KPNA2: variants seen among roughly 807,000 people sequenced by gnomAD.
KPNA2 encodes the protein karyopherin subunit alpha 2.
In KPNA2, 20 loss-of-function variants were observed where a neutral mutation model predicts 53.7. The observed-to-expected ratio is 0.37, with a 90% CI of 0.26 to 0.54. The LOEUF is 0.54. KPNA2 is among the 20% of genes least tolerant of loss of function. KPNA2 has a pLI of 0.83. For synonymous variants in KPNA2, 238 were observed against 227.5 expected (o/e 1.05, Z -0.42); for missense variants, 515 against 640.3 (o/e 0.80, Z 2.11).
intron 7 of KPNA2, 44 bp downstream of exon 7, chr17:68,043,407 T>G: frequency 1.9e-6 from 3 of 1,590,698 alleles, no homozygotes; most frequent in Non-Finnish European, 2.6e-6. Flanking sequence ...ATAAGAAGCA[T>G]GATCAGGGCT....
Position 68,037,163 on chromosome 17 carries a change from G to A in KPNA2, c.31G>A (p.Ala11Thr). Residue 11 changes from alanine to threonine, a missense_variant, in exon 2 of 11, where the codon GCT (alanine) becomes ACT (threonine). Ala to Thr is a moderately conservative substitution (Grantham distance 58, BLOSUM62 0). Transcript: ENST00000330459. ...CACCAACGAGAATGCTAATACACCAGCTGCCCGTCTTCACAGATTCAAGAA... is the reference window on the plus strand; with the variant it reads ...CACCAACGAGAATGCTAATACACCAACTGCCCGTCTTCACAGATTCAAGAA... MSTNENANTP[A>T]ARLHRFKNKG... 2 of 1,613,518 alleles carry A rather than the reference G, an allele frequency of 1.2e-6. No homozygotes were observed. Among genetic ancestry groups the A allele is most frequent in the Non-Finnish European group, 1.7e-6 (2 of 1,179,792 alleles).
chr17:68,042,923 GA>G lies in KPNA2; in HGVS notation c.591del (p.Asp198ThrfsTer24). 6.2e-7 allele frequency: 1 copy of G among 1,612,298 alleles called. No individual in the cohort carries two copies. Among genetic ancestry groups the G allele is most frequent in the Non-Finnish European group, 8.5e-7 (1 of 1,179,428 alleles). The part of the protein sequence containing the change: ...GNIAGDGSVF[R>X]DLVIKYGAVD... ...TTTTCAGGTGATGGCTCAGTGTTCC[GA>G]GACTTGGTTATTAAGTACGGTGCAG... On this transcript the variant is annotated frameshift_variant, in exon 6 of 11. Coordinates refer to ENST00000330459, the MANE Select transcript of KPNA2 (RefSeq NM_002266.4). LOFTEE classifies it high-confidence loss of function.
At position 68,043,856 on chromosome 17, in the gene KPNA2, A is replaced by G. The variant is rs2071294799; in HGVS notation, c.949A>G (p.Ile317Val). 1.2e-6 allele frequency: 2 copies of G among 1,601,818 alleles called. No homozygotes were observed. The highest frequency in any genetic ancestry group is 1.7e-6 in the Non-Finnish European group (2 of 1,169,056). The change falls in exon 8 of 11, where the codon ATA (isoleucine) becomes GTA (valine). Residue 317 changes from isoleucine (I) to valine (V), a missense_variant. By Grantham distance (29) the Ile-to-Val change is conservative. Coordinates refer to ENST00000330459, the MANE Select transcript of KPNA2 (RefSeq NM_002266.4). ...LPIVTPALRA[I>V]GNIVTGTDEQ... ...TTTTCAGACTCCTGCCCTAAGAGCCATAGGGAATATTGTCACTGGTACAGA... is the reference window on the plus strand; with the variant it reads ...TTTTCAGACTCCTGCCCTAAGAGCCGTAGGGAATATTGTCACTGGTACAGA...
intron 9 of KPNA2, chr17:68,045,334 C>G (rs2071315966): frequency 6.5e-6 from 1 of 154,212 alleles, no homozygotes; most frequent in Non-Finnish European, 1.4e-5. Flanking sequence ...TTAATACCAA[C>G]ACACATTCTG....
intron 3 of KPNA2, among the ~76,000 whole-genome samples, chr17:68,037,724 G>A (rs937384754): frequency 6.6e-6 from 1 of 151,838 alleles, no homozygotes; most frequent in Non-Finnish European, 1.5e-5. Context: ...AGACTTCCCT[G>A]CATTTCTAGC....
intron 3 of KPNA2, among the ~76,000 whole-genome samples, chr17:68,038,382 A>G (rs1219234700): frequency 6.6e-6 from 1 of 152,190 alleles, no homozygotes; most frequent in Non-Finnish European, 1.5e-5. Context: ...CTGGGATTAC[A>G]AGCGTGAGCC....
intron 7 of KPNA2, 64 bp downstream of exon 7, chr17:68,043,427 A>G: frequency 6.6e-7 from 1 of 1,517,832 alleles, no homozygotes; most frequent in Non-Finnish European, 9.0e-7. Flanking sequence ...TGGGCGTGGT[A>G]GTGGTGGCTC....
chr17:68,040,092 AAAG>A (rs1419999707), intron 3 of KPNA2, among the ~76,000 whole-genome samples: 7 of 152,006 alleles, frequency 4.6e-5, no homozygotes, highest in Admixed American at 1.3e-4. Flanking sequence ...AAAAAAAAGA[AAAG>A]AAAATCCTCA....
chr17:68,044,288 T>TA (rs1555705116), intron 8 of KPNA2, 33 bp from the exon 9 acceptor site: 1 of 1,578,372 alleles, frequency 6.3e-7, no homozygotes, highest in Non-Finnish European at 8.6e-7. Flanking sequence ...GTGCAACTGT[T>TA]CTGAAATAAA....
At chr17:68,035,969 G>C (rs1555703660) in intron 1 of KPNA2, 129 bp downstream of exon 1, 1 of 152,270 alleles carries the variant, frequency 6.6e-6, no homozygotes, top group African/African-American at 2.4e-5. Flanking sequence ...CGTTGACTAG[G>C]CCTCGGGGGC....
rs1236518877 is a variant in KPNA2 at position 68,046,784 on chromosome 17, T to C, written c.*188T>C. The C allele has an allele frequency of 7.1e-6, 3 of 420,606 alleles. No homozygotes were observed. Among genetic ancestry groups the C allele is most frequent in the Non-Finnish European group, 1.3e-5 (3 of 231,772 alleles). The allele number at this position is 420,606 out of a possible 1,614,324, so 26.1% of individuals were successfully genotyped here. A position where few individuals can be genotyped will look rare whatever the true frequency, so the allele number is the denominator to read the frequency against. On this transcript the variant is annotated 3_prime_UTR_variant, in exon 11 of 11. Coordinates refer to ENST00000330459, the MANE Select transcript of KPNA2 (RefSeq NM_002266.4). ...CTTGTCCTCTGACTAGGTTTCTAATTTCTATGTGGAATTTCCTATCTTGCA... is the reference window on the plus strand; with the variant it reads ...CTTGTCCTCTGACTAGGTTTCTAATCTCTATGTGGAATTTCCTATCTTGCA...
At chr17:68,046,070 CT>C (rs1257004441) in intron 10 of KPNA2, 149 bp downstream of exon 10, 1 of 512,420 alleles carries the variant, frequency 2.0e-6, no homozygotes, top group Non-Finnish European at 3.3e-6. Flanking sequence ...TTATTTGCCC[CT>C]CTAGTTTGGC....
chr17:68,041,235 T>C (rs1237229832), intron 4 of KPNA2, among the ~76,000 whole-genome samples: 1 of 152,224 alleles, frequency 6.6e-6, no homozygotes, highest in Non-Finnish European at 1.5e-5. Context: ...AGCTTGACAG[T>C]GTGCAGAAGA....
chr17:68,045,975 A>G, intron 10 of KPNA2, 54 bp downstream of exon 10: 4 of 1,211,950 alleles, frequency 3.3e-6, no homozygotes, highest in Non-Finnish European at 3.4e-6. Flanking sequence ...AGTCAAGGCC[A>G]TAAGCCTTTT....
In KPNA2 at chr17:68,042,349, T is replaced by G. The variant is rs2071270691; in HGVS notation, c.567T>G (p.Ile189Met). Residue 189 changes from isoleucine (I) to methionine (M), a missense_variant, in exon 5 of 11, where the codon ATT (isoleucine) becomes ATG (methionine). Physicochemically the swap from Ile to Met is conservative, Grantham distance 10. Coordinates refer to ENST00000330459, the MANE Select transcript of KPNA2 (RefSeq NM_002266.4). ...SEQAVWALGN[I>M]AGDGSVFRDL... ...AAGCTGTCTGGGCTCTAGGAAACAT[T>G]GCAGGTACTTGGACTTGAAGTTCTT... 1 of 1,613,564 alleles carries G rather than the reference T, an allele frequency of 6.2e-7. No homozygotes were observed. Among genetic ancestry groups the G allele is most frequent in the Non-Finnish European group, 8.5e-7 (1 of 1,179,646 alleles).
intron 3 of KPNA2, among the ~76,000 whole-genome samples, chr17:68,038,941 G>A (rs2071221315): frequency 6.6e-6 from 1 of 152,084 alleles, no homozygotes; most frequent in Admixed American, 6.6e-5. Context: ...CTTGAGCCCG[G>A]GATTTTGAGG....
At chr17:68,040,128 T>G (rs1008592545) in intron 3 of KPNA2, among the ~76,000 whole-genome samples, 2 of 152,080 alleles carry the variant, frequency 1.3e-5, no homozygotes, top group Non-Finnish European at 2.9e-5. Context: ...TGACTTCATG[T>G]CTTTCTCCCT....
At chr17:68,040,174 G>A (rs1411866413) in intron 3 of KPNA2, among the ~76,000 whole-genome samples, 2 of 151,786 alleles carry the variant, frequency 1.3e-5, no homozygotes, top group Non-Finnish European at 2.9e-5. Flanking sequence ...TGAGACTAAC[G>A]TAGAAATAAT....
At position 68,043,903 on chromosome 17, in the gene KPNA2, T is replaced by A; in HGVS notation, c.996T>A (p.Ile332=). The A allele has an allele frequency of 6.2e-7, 1 of 1,613,850 alleles. No individual in the cohort carries two copies. Among genetic ancestry groups the A allele is most frequent in the Non-Finnish European group, 8.5e-7 (1 of 1,179,866 alleles). ...CAGATGAACAGACTCAGGTTGTGAT[T>A]GATGCAGGAGCACTCGCCGTCTTTC... ...TGTDEQTQVV[I]DAGALAVFPS... The change falls in exon 8 of 11, where the codon ATT becomes ATA. Residue 332 remains isoleucine, a synonymous_variant. Coordinates refer to ENST00000330459, the MANE Select transcript of KPNA2 (RefSeq NM_002266.4).
Sources: gnomAD v4.1 joint callset for allele counts (sites outside exome capture counted in the v4.1 genomes callset) on GRCh38, gnomAD v4.1.1 for gene constraint, MANE v1.5 for transcripts, NCBI Gene and HGNC (gene_info 2026-07-23, HGNC 2026-07-21) for gene names.